Variants in RYR3 observed in about 807,000 individuals in gnomAD.
RYR3 encodes the protein brain ryanodine receptor-calcium release channel.
In RYR3, 207 loss-of-function variants were observed where a neutral mutation model predicts 584.3. The ratio of observed to expected loss-of-function variants is 0.35; its 90% CI spans 0.32 to 0.40. RYR3 has a LOEUF of 0.40. Ranked by LOEUF, RYR3 falls within the 10% of genes least tolerant of loss-of-function variation. The probability of loss-of-function intolerance (pLI) is 1.00; values close to 1 mark genes in which losing one functional copy is unlikely to be tolerated. For missense variants in RYR3, 5,616 were observed against 6,089.2 expected, an observed-to-expected ratio of 0.92 and a Z score of 2.59; for synonymous variants, 2,416 against 2,248.5, an observed-to-expected ratio of 1.07 and a Z score of -2.11.
chr15:33,847,308 C>G (rs1038705433), intron 93 of RYR3: 2 of 152,204 alleles, frequency 1.3e-5, no homozygotes, highest in Non-Finnish European at 2.9e-5. Context: ...TTACAAATCA[C>G]TGTCTGAATT....
chr15:33,527,707 T>C (rs2054510544), intron 3 of RYR3, among the ~76,000 whole-genome samples: 2 of 152,242 alleles, frequency 1.3e-5, no homozygotes. Flanking sequence ...GAGGACTTTG[T>C]ACTTGTATTT....
intron 43 of RYR3, among the ~76,000 whole-genome samples, chr15:33,720,662 G>T (rs2067839157): frequency 6.6e-6 from 1 of 152,156 alleles, no homozygotes; most frequent in African/African-American, 2.4e-5. Flanking sequence ...CCGGGAGTTT[G>T]AGGCCAGCCT....
chr15:33,405,560 C>G (rs1445763785), intron 1 of RYR3, among the ~76,000 whole-genome samples: 4 of 152,120 alleles, frequency 2.6e-5, no homozygotes, highest in African/African-American at 7.2e-5. Context: ...TCAATAAATA[C>G]TTTTTTAAAA....
intron 1 of RYR3, among the ~76,000 whole-genome samples, chr15:33,378,169 A>T (rs1417277545): frequency 6.6e-6 from 1 of 152,206 alleles, no homozygotes; most frequent in African/African-American, 2.4e-5. Flanking sequence ...AGTAGTTATT[A>T]TTACACCTAT....
At chr15:33,848,783 T>TTCCA (rs1228045983) in intron 94 of RYR3, among the ~76,000 whole-genome samples, 1 of 150,882 alleles carries the variant, frequency 6.6e-6, no homozygotes, top group Non-Finnish European at 1.5e-5. Context: ...TTCCATAGCC[T>TTCCA]TCCATGGCAC....
chr15:33,511,898 C>T (rs1265272930), intron 3 of RYR3, among the ~76,000 whole-genome samples: 2 of 152,206 alleles, frequency 1.3e-5, no homozygotes, highest in African/African-American at 2.4e-5. Context: ...CCTGCCTCAG[C>T]CTCCCGAGTA....
chr15:33,665,815 A>G (rs1407384398), intron 36 of RYR3, among the ~76,000 whole-genome samples: 1 of 152,240 alleles, frequency 6.6e-6, no homozygotes, highest in Non-Finnish European at 1.5e-5. Flanking sequence ...CTCATTTTAC[A>G]TCTAGCAAAG....
intron 43 of RYR3, among the ~76,000 whole-genome samples, chr15:33,713,984 C>A (rs371931158): frequency 1.3e-5 from 2 of 152,050 alleles, no homozygotes; most frequent in South Asian, 2.1e-4. Context: ...GGGGGGGACA[C>A]GAATATTCAG....
At chr15:33,588,646 C>A (rs528974818) in intron 16 of RYR3, among the ~76,000 whole-genome samples, 6 of 152,150 alleles carry the variant, frequency 3.9e-5, no homozygotes, top group Non-Finnish European at 8.8e-5. Flanking sequence ...TCACTCCACT[C>A]TCTATGTCCG....
chr15:33,835,286 A>G (rs1378124322), intron 87 of RYR3, among the ~76,000 whole-genome samples: 1 of 149,010 alleles, frequency 6.7e-6, no homozygotes, highest in Non-Finnish European at 1.5e-5. Flanking sequence ...GCATGAACGC[A>G]GCTTCCTTCT....
At chr15:33,351,607 A>G (rs1265748328) in intron 1 of RYR3, among the ~76,000 whole-genome samples, 1 of 151,578 alleles carries the variant, frequency 6.6e-6, no homozygotes, top group East Asian at 1.9e-4. Flanking sequence ...GGTTCAATAT[A>G]TGCAAATCAA....
At chr15:33,603,508 A>T in intron 18 of RYR3, 144 bp downstream of exon 18, 1 of 919,852 alleles carries the variant, frequency 1.1e-6, no homozygotes, top group East Asian at 2.5e-5. Context: ...GGAAAAGAGT[A>T]TCAGATTAAA....
At chr15:33,364,221 A>AT (rs1334670533) in intron 1 of RYR3, among the ~76,000 whole-genome samples, 8 of 152,110 alleles carry the variant, frequency 5.3e-5, no homozygotes, top group Admixed American at 1.3e-4. Flanking sequence ...GAAAATTTAT[A>AT]TTACATAGGT....
chr15:33,669,587 C>A (rs989097922), intron 37 of RYR3, 131 bp downstream of exon 37: 1 of 723,876 alleles, frequency 1.4e-6, no homozygotes. Context: ...TCTTTCAAGA[C>A]GTGACTATCC....
rs572913737 is a variant in RYR3, at chr15:33,503,652, G to A, written c.193G>A (p.Val65Ile). The change falls in exon 3 of 104, where the codon GTC becomes ATC. Residue 65 changes from valine (V) to isoleucine (I), a missense_variant. Around this residue, in one of 9 missense-constraint regions of RYR3, gnomAD observed 1,284 missense variants for 1,344.6 expected, o/e 0.95. Coordinates refer to ENST00000634891, the MANE Select transcript of RYR3 (RefSeq NM_001036.6). ...ACAGTACATTCCTCCAGATCTCTGC[G>A]TCTGCAATTTTGTGCTGGAACAGTC... is the stretch of plus-strand genomic sequence containing the variant. ...EAKYIPPDLC[V>I]CNFVLEQSLS... 181 of 1,610,686 alleles carry A rather than the reference G, an allele frequency of 1.1e-4. 1 individual carries two copies. The South Asian group carries it at 1.5e-3, about 14-fold the overall frequency.
At chr15:33,724,367 C>G (rs1194581536) in intron 45 of RYR3, among the ~76,000 whole-genome samples, 191 bp downstream of exon 45, 1 of 152,186 alleles carries the variant, frequency 6.6e-6, no homozygotes, top group Non-Finnish European at 1.5e-5. Context: ...GGAGGGACTC[C>G]CGGGCAGATC....
chr15:33,373,990 T>C (rs2040530980), intron 1 of RYR3, among the ~76,000 whole-genome samples: 1 of 152,160 alleles, frequency 6.6e-6, no homozygotes, highest in Non-Finnish European at 1.5e-5. Flanking sequence ...TAGGTGATGG[T>C]TTAAAATCCC....
chr15:33,427,612 T>G (rs532822267), intron 1 of RYR3, among the ~76,000 whole-genome samples: 2 of 152,232 alleles, frequency 1.3e-5, no homozygotes, highest in Non-Finnish European at 2.9e-5. Flanking sequence ...CTTTATTTTC[T>G]GGAACTAGAT....
At chr15:33,495,848 T>C (rs543266794) in intron 2 of RYR3, among the ~76,000 whole-genome samples, 1 of 152,228 alleles carries the variant, frequency 6.6e-6, no homozygotes, top group Non-Finnish European at 1.5e-5. Context: ...GTATAGATAT[T>C]AATGACTGGC....
Sources: allele counts gnomAD v4.1 joint callset (sites outside exome capture counted in the v4.1 genomes callset), GRCh38; gene constraint gnomAD v4.1.1; regional missense constraint gnomAD v4.1.1; transcripts MANE v1.5; gene names NCBI Gene and HGNC (gene_info 2026-07-23, HGNC 2026-07-21).